The following ELFN1 variants were observed in gnomAD, a reference collection of about 807,000 sequenced individuals.
The protein encoded by ELFN1 is extracellular leucine rich repeat and fibronectin type III domain containing 1, also known as protein ELFN1.
Under a neutral mutation model 7.6 loss-of-function variants are expected in ELFN1, and 6 were observed. The ratio of observed to expected loss-of-function variants is 0.79; its 90% confidence interval spans 0.43 to 1.56. ELFN1 has a LOEUF of 1.56. ELFN1 is among the 40% of genes most tolerant of loss of function. The pLI, the probability that ELFN1 is intolerant of heterozygous loss-of-function variation, is 0.01. For synonymous variants in ELFN1, 657 were observed against 588.1 expected, an observed-to-expected ratio of 1.12 and a Z score of -1.70; for missense variants, 1,169 against 1,232.2, an observed-to-expected ratio of 0.95 and a Z score of 0.77.
chr7:1,701,479 G>T (rs1166831159), intron 2 of ELFN1, among the ~76,000 whole-genome samples: 3 of 152,172 alleles, frequency 2.0e-5, no homozygotes. Context: ...ATTCTTGCAT[G>T]AGTGGGAAGA....
intron 1 of ELFN1, among the ~76,000 whole-genome samples, chr7:1,686,571 T>C (rs991076286): frequency 2.6e-5 from 4 of 152,042 alleles, no homozygotes; most frequent in African/African-American, 7.2e-5. Context: ...AGTGATTGGT[T>C]TGGGGTTGTT....
At position 1,745,665 on chromosome 7, in the gene ELFN1, T is replaced by A; in HGVS notation, c.1069T>A (p.Ser357Thr). The part of the protein sequence containing the change: ...HFNNSKASTV[S>T]RLTKAQEEIR... ...CAACAACAGCAAGGCCTCCACCGTG[T>A]CCAGGCTGACCAAGGCCCAGGAGGA... Residue 357 changes from serine to threonine, a missense_variant, in exon 4 of 4, where the codon TCC (serine) becomes ACC (threonine). Ser to Thr is a moderately conservative substitution (Grantham distance 58). This residue lies in a region of ELFN1 where 914 missense variants were observed against 872.6 expected (regional missense o/e 1.05). Coordinates refer to ENST00000424383, the MANE Select transcript of ELFN1 (RefSeq NM_001128636.4). 1 of 1,551,348 alleles carries A rather than the reference T, an allele frequency of 6.4e-7. No individual in the cohort carries two copies. The highest frequency in any genetic ancestry group is 8.7e-7 in the Non-Finnish European group (1 of 1,147,012).
intron 1 of ELFN1, among the ~76,000 whole-genome samples, chr7:1,679,001 G>A (rs1583310678): frequency 6.6e-6 from 1 of 152,216 alleles, no homozygotes; most frequent in East Asian, 1.9e-4. Flanking sequence ...GAGAGGAGAG[G>A]CCTGGGGACC....
upstream of ELFN1, among the ~76,000 whole-genome samples, chr7:1,669,668 G>T (rs1778721877): frequency 2.0e-5 from 3 of 152,234 alleles, no homozygotes; most frequent in South Asian, 6.2e-4. Context: ...CACAGAGGTT[G>T]GGGTGAATGA....
chr7:1,710,648 G>A (rs145616073), intron 3 of ELFN1, among the ~76,000 whole-genome samples: 21 of 152,300 alleles, frequency 1.4e-4, no homozygotes, highest in African/African-American at 4.3e-4. Flanking sequence ...GAGTCAGATC[G>A]GGGCCATAGG....
chr7:1,715,267 G>T (rs1331449853), intron 3 of ELFN1, among the ~76,000 whole-genome samples: 1 of 152,152 alleles, frequency 6.6e-6, no homozygotes, highest in Admixed American at 6.5e-5. Context: ...TGTCCTGGTG[G>T]TATTCACAAG....
At chr7:1,666,348 C>T (rs2128571066), upstream of ELFN1, among the ~76,000 whole-genome samples, 1 of 152,050 alleles carries the variant, frequency 6.6e-6, no homozygotes, top group Middle Eastern at 3.4e-3. This position sits in a 1 kb window ranked among gnomAD's most constrained non-coding sequence, Gnocchi z 7.9. Context: ...CCACCCCATC[C>T]CTGGTGCCCT....
intron 1 of ELFN1, among the ~76,000 whole-genome samples, chr7:1,674,019 G>A (rs1405680183): frequency 6.6e-6 from 1 of 152,150 alleles, no homozygotes; most frequent in Non-Finnish European, 1.5e-5. Context: ...GGCCACGGGG[G>A]TACACAGGAG....
upstream of ELFN1, among the ~76,000 whole-genome samples, chr7:1,666,255 C>T (rs2128571040): frequency 6.6e-6 from 1 of 151,872 alleles, no homozygotes; most frequent in Middle Eastern, 3.4e-3. The surrounding 1 kb of genome is among the most constrained non-coding windows in gnomAD (Gnocchi z 7.9). Context: ...GTCCCCGCCC[C>T]TAGGGGAGGC....
chr7:1,678,440 G>A (rs1778914516), intron 1 of ELFN1, among the ~76,000 whole-genome samples: 1 of 152,224 alleles, frequency 6.6e-6, no homozygotes, highest in Non-Finnish European at 1.5e-5. Flanking sequence ...AGCCCGGAGG[G>A]AGGTGCTGTG....
At chr7:1,738,867 C>T (rs1002807727) in intron 3 of ELFN1, 1 of 151,714 alleles carries the variant, frequency 6.6e-6, no homozygotes, top group African/African-American at 2.4e-5. Context: ...CCAAGCAGAA[C>T]ATCAGGGAGA....
At chr7:1,720,662 A>C (rs1779992479) in intron 3 of ELFN1, among the ~76,000 whole-genome samples, 2 of 151,994 alleles carry the variant, frequency 1.3e-5, no homozygotes, top group African/African-American at 4.8e-5. Context: ...TTCCTATTCC[A>C]GTGCATCTCA....
At chr7:1,681,191 G>A (rs1242399790) in intron 1 of ELFN1, among the ~76,000 whole-genome samples, 1 of 152,136 alleles carries the variant, frequency 6.6e-6, no homozygotes, top group East Asian at 1.9e-4. Flanking sequence ...GGTTTTTATT[G>A]CTGAATAGTA....
At position 1,744,846 on chromosome 7, in the gene ELFN1, G is replaced by A; in HGVS notation, c.250G>A (p.Gly84Ser). Residue 84 changes from glycine (G) to serine (S), a missense_variant, in exon 4 of 4, where the codon GGC becomes AGC. Gly to Ser is a moderately conservative substitution (Grantham distance 56). Transcript: ENST00000424383. ...SVQYASLSRF[G>S]NLTYLNLTKN... ...GCAGTACGCCTCGCTCAGCCGCTTT[G>A]GCAACCTCACGTACCTCAACCTCAC... 1 of 1,574,866 alleles carries A rather than the reference G, an allele frequency of 6.3e-7. No individual in the cohort carries two copies. Among genetic ancestry groups the A allele is most frequent in the Non-Finnish European group, 8.6e-7 (1 of 1,159,368 alleles).
intron 3 of ELFN1, chr7:1,738,962 G>A (rs1780529040): frequency 2.6e-5 from 4 of 152,272 alleles, no homozygotes; most frequent in Admixed American, 2.6e-4. Context: ...CAACGCTGCT[G>A]CGTCTCGGAG....
At chr7:1,668,503 G>C (rs1778705375), upstream of ELFN1, among the ~76,000 whole-genome samples, 1 of 152,246 alleles carries the variant, frequency 6.6e-6, no homozygotes, top group Non-Finnish European at 1.5e-5. Context: ...GGGGCCCGGA[G>C]CCCGGTGGTC....
intron 3 of ELFN1, among the ~76,000 whole-genome samples, chr7:1,732,283 T>C (rs949824811): frequency 3.9e-5 from 6 of 152,026 alleles, no homozygotes; most frequent in African/African-American, 1.2e-4. Context: ...TCAGCAAAAA[T>C]GCAAGAAGTC....
chr7:1,703,880 G>A (rs1238838424), intron 2 of ELFN1, among the ~76,000 whole-genome samples: 1 of 152,218 alleles, frequency 6.6e-6, no homozygotes, highest in Admixed American at 6.5e-5. Context: ...GGGTACTGAT[G>A]ACACCTGTCC....
chr7:1,686,464 C>T (rs1444051145), intron 1 of ELFN1, among the ~76,000 whole-genome samples: 1 of 151,960 alleles, frequency 6.6e-6, no homozygotes, highest in Non-Finnish European at 1.5e-5. Flanking sequence ...AGGTACATGT[C>T]ACCATTCCTG....
Sources: gnomAD v4.1 joint callset for allele counts (sites outside exome capture counted in the v4.1 genomes callset) on GRCh38, gnomAD v4.1.1 for gene constraint, gnomAD v4.1.1 regional missense constraint, Gnocchi (gnomAD v3.1) non-coding constraint, MANE v1.5 for transcripts, NCBI Gene and HGNC (gene_info 2026-07-23, HGNC 2026-07-21) for gene names.